TMEFF2: variants seen among roughly 807,000 people sequenced by gnomAD.
TMEFF2 encodes the protein tomoregulin-2.
In TMEFF2, 28 loss-of-function variants were observed where a neutral mutation model predicts 53.8. The observed-to-expected ratio is 0.52, with a 90% CI of 0.39 to 0.71. TMEFF2 has a LOEUF of 0.71. Among genes scored for constraint, TMEFF2 ranks in the 30% least tolerant of loss-of-function variants. The pLI is 0.00. For missense variants in TMEFF2, 353 were observed against 455.2 expected (o/e 0.78, Z 2.04); for synonymous variants, 162 against 166.3 (o/e 0.97, Z 0.20).
intron 4 of TMEFF2, among the ~76,000 whole-genome samples, chr2:192,169,374 A>C (rs1690851268): frequency 6.6e-6 from 1 of 152,090 alleles, no homozygotes; most frequent in Non-Finnish European, 1.5e-5. Flanking sequence ...GGTCTATCCC[A>C]CTGAACTACT....
At chr2:192,043,750 G>A (rs929487605) in intron 5 of TMEFF2, 1 of 152,250 alleles carries the variant, frequency 6.6e-6, no homozygotes, top group African/African-American at 2.4e-5. Context: ...ACGATGGTAG[G>A]AAAAGATAAG....
chr2:192,101,077 G>C (rs755762171), intron 4 of TMEFF2, among the ~76,000 whole-genome samples: 4 of 152,058 alleles, frequency 2.6e-5, no homozygotes, highest in Admixed American at 6.6e-5. Context: ...ATTGCAAACT[G>C]GATTTCCATA....
intron 4 of TMEFF2, among the ~76,000 whole-genome samples, chr2:192,125,003 T>C (rs1689643365): frequency 6.6e-6 from 1 of 152,212 alleles, no homozygotes; most frequent in South Asian, 2.1e-4. Flanking sequence ...ATGTTCTCTG[T>C]AAAACTCTTA....
chr2:192,113,376 T>G (rs541799282), intron 4 of TMEFF2, among the ~76,000 whole-genome samples: 19 of 152,286 alleles, frequency 1.2e-4, no homozygotes, highest in Middle Eastern at 3.4e-3. Context: ...TTTTATATAT[T>G]CTTGAGTCTT....
At chr2:192,001,333 G>T (rs1686353001) in intron 5 of TMEFF2, among the ~76,000 whole-genome samples, 1 of 151,888 alleles carries the variant, frequency 6.6e-6, no homozygotes, top group African/African-American at 2.4e-5. Context: ...AAGAAATTTA[G>T]AAATGTACAC....
At chr2:192,081,297 T>A (rs1406739426) in intron 4 of TMEFF2, among the ~76,000 whole-genome samples, 1 of 152,248 alleles carries the variant, frequency 6.6e-6, no homozygotes, top group Admixed American at 6.5e-5. Context: ...TCTACTTTAA[T>A]ACTAAGCCTG....
chr2:192,173,530 G>A (rs1423250120), intron 4 of TMEFF2, among the ~76,000 whole-genome samples: 1 of 151,786 alleles, frequency 6.6e-6, no homozygotes, highest in Non-Finnish European at 1.5e-5. Context: ...TAAGTATACA[G>A]AATCTCCTAC....
chr2:191,967,397 G>C (rs1379661722), intron 7 of TMEFF2, among the ~76,000 whole-genome samples: 1 of 152,014 alleles, frequency 6.6e-6, no homozygotes, highest in African/African-American at 2.4e-5. Flanking sequence ...CTTACAAATA[G>C]CTAATTTTAA....
chr2:192,001,838 C>A (rs1376251356), intron 5 of TMEFF2, among the ~76,000 whole-genome samples: 1 of 152,086 alleles, frequency 6.6e-6, no homozygotes, highest in Non-Finnish European at 1.5e-5. Context: ...TTGTAAATTG[C>A]CCAGTCTTGG....
chr2:192,042,027 C>T (rs1310676638), intron 5 of TMEFF2, among the ~76,000 whole-genome samples: 1 of 151,970 alleles, frequency 6.6e-6, no homozygotes, highest in African/African-American at 2.4e-5. Flanking sequence ...ATGGTGAAAA[C>T]CTGTCTCTAC....
chr2:192,015,308 C>CTTTTTTTTTTTTTTTT (rs34696715), intron 5 of TMEFF2, among the ~76,000 whole-genome samples: 2 of 76,272 alleles, frequency 2.6e-5, no homozygotes, highest in African/African-American at 5.5e-5. Context: ...ATCACTGAAG[C>CTTTTTTTTTTTTTTTT]TTTTTTTTTT....
intron 4 of TMEFF2, among the ~76,000 whole-genome samples, chr2:192,165,004 G>GT (rs1553528931): frequency 6.6e-6 from 1 of 151,910 alleles, no homozygotes; most frequent in Non-Finnish European, 1.5e-5. Flanking sequence ...GTGTGTGTGT[G>GT]TGTGTACCTG....
chr2:192,134,321 G>A (rs979597183), intron 4 of TMEFF2, among the ~76,000 whole-genome samples: 2 of 152,012 alleles, frequency 1.3e-5, no homozygotes, highest in African/African-American at 4.8e-5. Context: ...GCATCTCTCT[G>A]ATCCACCTGA....
intron 2 of TMEFF2, among the ~76,000 whole-genome samples, chr2:192,191,299 G>A (rs1456543020): frequency 1.3e-5 from 2 of 152,110 alleles, no homozygotes; most frequent in African/African-American, 2.4e-5. Context: ...GGATCTAAAT[G>A]CTCTTCTGGA....
At chr2:192,093,264 G>T (rs1186807613) in intron 4 of TMEFF2, among the ~76,000 whole-genome samples, 2 of 152,176 alleles carry the variant, frequency 1.3e-5, no homozygotes, top group Non-Finnish European at 2.9e-5. Flanking sequence ...CAGGTAGTAA[G>T]ACAAATAAAA....
Position 192,194,665 on chromosome 2 carries a change from A to C in TMEFF2, c.-141T>G. On this transcript the variant is annotated 5_prime_UTR_variant, in exon 1 of 10. Transcript: ENST00000272771. This position sits in a 1 kb window ranked among gnomAD's most constrained non-coding sequence, Gnocchi z 4.2. ...TGGCAGTGGCACCCGGCGGGGAAGC[A>C]GCAGCCAAACCCGCGCATGATCTCG... The C allele has an allele frequency of 1.1e-6, 1 of 878,888 alleles. No individual in the cohort carries two copies. The highest frequency in any genetic ancestry group is 3.5e-4 in the Middle Eastern group (1 of 2,856). 54.4% of individuals were successfully genotyped at this position (878,888 alleles called of 1,614,324 possible).
chr2:192,135,482 C>T (rs1178706310), intron 4 of TMEFF2, among the ~76,000 whole-genome samples: 1 of 152,138 alleles, frequency 6.6e-6, no homozygotes, highest in Admixed American at 6.5e-5. Context: ...AACAACCCAA[C>T]AATACCACCC....
At chr2:191,975,557 A>G (rs1685697142) in intron 7 of TMEFF2, among the ~76,000 whole-genome samples, 1 of 151,846 alleles carries the variant, frequency 6.6e-6, no homozygotes, top group Non-Finnish European at 1.5e-5. Flanking sequence ...CATAATTGGC[A>G]ATACCAGGAA....
chr2:192,124,728 C>A (rs1689636448), intron 4 of TMEFF2, among the ~76,000 whole-genome samples: 2 of 152,104 alleles, frequency 1.3e-5, no homozygotes, highest in Admixed American at 1.3e-4. Context: ...TGACACCTGG[C>A]AAATGGAGTT....
Sources: gnomAD v4.1 joint callset for allele counts (sites outside exome capture counted in the v4.1 genomes callset) on GRCh38, gnomAD v4.1.1 for gene constraint, Gnocchi (gnomAD v3.1) non-coding constraint, MANE v1.5 for transcripts, NCBI Gene and HGNC (gene_info 2026-07-23, HGNC 2026-07-21) for gene names.